The following SCAPER variants were observed in gnomAD, a reference collection of about 807,000 sequenced individuals.
The protein encoded by SCAPER is S-phase cyclin A associated protein in the ER.
A neutral mutation model predicts 182.2 loss-of-function variants in SCAPER; 98 were observed. That is an observed-to-expected ratio of 0.54 (90% CI 0.46 to 0.64). The LOEUF is 0.64. SCAPER is among the 30% of genes least tolerant of loss of function. The pLI, the probability that SCAPER is intolerant of heterozygous loss-of-function variation, is 0.00. For missense variants in SCAPER, 1,432 were observed against 1,690.0 expected (o/e 0.85, Z 2.68); for synonymous variants, 605 against 564.6 (o/e 1.07, Z -1.01).
At chr15:76,747,962 G>T (rs564736409) in intron 15 of SCAPER, among the ~76,000 whole-genome samples, 1 of 151,314 alleles carries the variant, frequency 6.6e-6, no homozygotes, top group East Asian at 1.9e-4. Flanking sequence ...AACAAACGGT[G>T]CTGGGAAATA....
chr15:76,605,191 C>T lies in SCAPER; in HGVS notation c.2711+16573G>A, dbSNP rs141302978. Among the ~76,000 whole-genome samples the T allele has an allele frequency of 4.7e-3, 723 of 152,216 alleles. 7 individuals carry two copies. Among genetic ancestry groups the T allele is most frequent in the African/African-American group, 0.016 (679 of 41,520 alleles). ...AGATAGCTCTTATTATTTTGAGATA[C>T]GACCCATCAATACCTAACTTATTGA... On this transcript the variant is annotated intron_variant, in intron 22 of 31. Coordinates refer to ENST00000563290, the MANE Select transcript of SCAPER (RefSeq NM_020843.4).
intron 27 of SCAPER, among the ~76,000 whole-genome samples, chr15:76,400,589 T>A (rs1303381894): frequency 6.6e-6 from 1 of 152,174 alleles, no homozygotes; most frequent in Non-Finnish European, 1.5e-5. Context: ...GTTGGGAGAC[T>A]GAAGGATGAG....
chr15:76,724,236 G>A (rs1445652466), intron 17 of SCAPER, among the ~76,000 whole-genome samples: 3 of 151,506 alleles, frequency 2.0e-5, no homozygotes, highest in Non-Finnish European at 4.4e-5. Flanking sequence ...TTTTCTTTAA[G>A]AATGTTGAAT....
chr15:76,409,187 T>C (rs1195143825), intron 26 of SCAPER, among the ~76,000 whole-genome samples: 1 of 152,104 alleles, frequency 6.6e-6, no homozygotes, highest in Non-Finnish European at 1.5e-5. Context: ...GTCAATCTCA[T>C]TGTTTTGAGG....
At chr15:76,534,427 A>G (rs1156288512) in intron 23 of SCAPER, among the ~76,000 whole-genome samples, 1 of 152,230 alleles carries the variant, frequency 6.6e-6, no homozygotes, top group Non-Finnish European at 1.5e-5. Flanking sequence ...GTCACAATTT[A>G]GTTGAGGCAA....
intron 23 of SCAPER, among the ~76,000 whole-genome samples, chr15:76,526,805 C>A (rs987233496): frequency 6.6e-6 from 1 of 151,704 alleles, no homozygotes; most frequent in Admixed American, 6.6e-5. Flanking sequence ...TTGTTTTCAT[C>A]TATCTCTTTG....
intron 24 of SCAPER, chr15:76,498,406 C>T (rs1307486575): frequency 6.6e-6 from 1 of 152,182 alleles, no homozygotes; most frequent in Non-Finnish European, 1.5e-5. Context: ...AGCCTCTACA[C>T]AACACAAAGA....
chr15:76,779,657 T>C (rs7174673), intron 8 of SCAPER, among the ~76,000 whole-genome samples: 57,949 of 151,450 alleles, frequency 0.38, 13,054 homozygotes, highest in Middle Eastern at 0.53. Flanking sequence ...TTCCATAAAA[T>C]AGAAGATAAG....
intron 21 of SCAPER, among the ~76,000 whole-genome samples, chr15:76,641,580 T>A (rs1297972806): frequency 1.3e-5 from 2 of 152,088 alleles, no homozygotes; most frequent in Non-Finnish European, 2.9e-5. Flanking sequence ...GCTGGCCAGA[T>A]CCCGCAATAC....
intron 15 of SCAPER, among the ~76,000 whole-genome samples, chr15:76,746,909 C>T (rs2061822464): frequency 6.6e-6 from 1 of 152,152 alleles, no homozygotes; most frequent in Admixed American, 6.5e-5. Context: ...AATGAGAAGA[C>T]TAATATTGTT....
intron 27 of SCAPER, among the ~76,000 whole-genome samples, chr15:76,383,105 T>TTTAC (rs370640370): frequency 2.0e-5 from 3 of 150,036 alleles, no homozygotes; most frequent in Non-Finnish European, 3.0e-5. Flanking sequence ...TGTGTGTAAA[T>TTTAC]ACACACACAC....
At chr15:76,828,856 A>G (rs990281986) in intron 5 of SCAPER, among the ~76,000 whole-genome samples, 3 of 152,220 alleles carry the variant, frequency 2.0e-5, no homozygotes, top group Admixed American at 6.5e-5. Flanking sequence ...AATCAAAACG[A>G]TAAGATTATA....
chr15:76,844,516 G>C (rs916846109), intron 4 of SCAPER, among the ~76,000 whole-genome samples: 1 of 152,074 alleles, frequency 6.6e-6, no homozygotes, highest in Non-Finnish European at 1.5e-5. Flanking sequence ...AATAAAATTA[G>C]AGATGAAAAA....
intron 8 of SCAPER, among the ~76,000 whole-genome samples, chr15:76,792,549 G>A (rs2065067485): frequency 6.6e-6 from 1 of 152,200 alleles, no homozygotes; most frequent in Admixed American, 6.5e-5. Flanking sequence ...AATATGGTAA[G>A]TGATGTTCTA....
intron 31 of SCAPER, chr15:76,349,363 A>G: frequency 6.6e-6 from 1 of 152,324 alleles, no homozygotes; most frequent in Middle Eastern, 3.4e-3. Flanking sequence ...ATATCTTTAA[A>G]ATTATTCAAA....
chr15:76,633,407 G>A (rs186184360), intron 21 of SCAPER, among the ~76,000 whole-genome samples: 7 of 152,330 alleles, frequency 4.6e-5, no homozygotes, highest in Admixed American at 1.3e-4. Context: ...CAGGAGGAAC[G>A]GGATCAGGGT....
At chr15:76,502,428 T>C (rs986521463) in intron 24 of SCAPER, among the ~76,000 whole-genome samples, 3 of 152,156 alleles carry the variant, frequency 2.0e-5, no homozygotes, top group African/African-American at 4.8e-5. Context: ...TGTAGCGACA[T>C]AGATGAAGCT....
chr15:76,694,072 G>GTT (rs563482533), intron 20 of SCAPER, among the ~76,000 whole-genome samples: 8 of 144,948 alleles, frequency 5.5e-5, no homozygotes, highest in African/African-American at 1.8e-4. Context: ...GGCTACTCAG[G>GTT]TTTTTTTTTT....
At chr15:76,803,650 T>C (rs1009682158) in intron 6 of SCAPER, among the ~76,000 whole-genome samples, 1 of 152,218 alleles carries the variant, frequency 6.6e-6, no homozygotes, top group East Asian at 1.9e-4. Flanking sequence ...CTGTTCCTTA[T>C]AAAGATCATC....
Sources: allele counts gnomAD v4.1 joint callset (sites outside exome capture counted in the v4.1 genomes callset), GRCh38; gene constraint gnomAD v4.1.1; transcripts MANE v1.5; gene names NCBI Gene and HGNC (gene_info 2026-07-23, HGNC 2026-07-21).